The following SLMAP variants were observed in gnomAD, a reference collection of about 807,000 sequenced individuals.
SLMAP encodes the protein sarcolemma associated protein, also known as sarcolemmal membrane-associated protein.
A neutral mutation model predicts 128.8 loss-of-function variants in SLMAP; 44 were observed. That is an observed-to-expected ratio of 0.34 (90% CI 0.27 to 0.44). The LOEUF (loss-of-function observed/expected upper bound fraction) is 0.44. Among genes scored for constraint, SLMAP ranks in the 20% least tolerant of loss-of-function variants. SLMAP has a pLI of 1.00. For missense variants in SLMAP, 787 were observed against 985.3 expected (o/e 0.80, Z 2.69); for synonymous variants, 327 against 348.8 (o/e 0.94, Z 0.70).
At chr3:57,860,275 C>A (rs1291531161) in intron 8 of SLMAP, among the ~76,000 whole-genome samples, 2 of 152,162 alleles carry the variant, frequency 1.3e-5, no homozygotes, top group African/African-American at 2.4e-5. Context: ...TTGTACTTTT[C>A]CTGCCCCAGA....
chr3:57,901,345 T>G (rs565532224), intron 17 of SLMAP: 6 of 152,292 alleles, frequency 3.9e-5, no homozygotes, highest in African/African-American at 1.2e-4. Context: ...TATTGGTGGT[T>G]GTTGCCATCA....
At chr3:57,830,288 G>A (rs1167099106) in intron 2 of SLMAP, among the ~76,000 whole-genome samples, 2 of 152,202 alleles carry the variant, frequency 1.3e-5, no homozygotes, top group South Asian at 2.1e-4. Context: ...GATTACAGGC[G>A]TGAGCCACCA....
Position 57,864,678 on chromosome 3 carries a change from A to G in SLMAP, c.1097A>G (p.Asp366Gly). 2.5e-6 allele frequency: 4 copies of G among 1,596,630 alleles called. No individual in the cohort carries two copies. Among genetic ancestry groups the G allele is most frequent in the Non-Finnish European group, 3.4e-6 (4 of 1,175,984 alleles). ...GCAAAAATAGAAGCTTTGCAAGCTG[A>G]TAATGATTTCACCAATGAAAGGCTA... ...LQAKIEALQA[D>G]NDFTNERLTA... Residue 366 changes from aspartate to glycine, a missense_variant, in exon 11 of 25, where the codon GAT (aspartate) becomes GGT (glycine). This residue lies in a region of SLMAP where 715 missense variants were observed against 843.6 expected (regional missense o/e 0.85). Transcript: ENST00000671191.
At chr3:57,882,649 A>G (rs1425079261) in intron 14 of SLMAP, among the ~76,000 whole-genome samples, 4 of 152,228 alleles carry the variant, frequency 2.6e-5, no homozygotes, top group Admixed American at 2.0e-4. Flanking sequence ...CTGTGTTCTC[A>G]TAAAACTTTA....
chr3:57,801,643 G>GT (rs35550491), intron 2 of SLMAP, among the ~76,000 whole-genome samples: 42,337 of 146,434 alleles, frequency 0.29, 6,235 homozygotes, highest in East Asian at 0.48. Context: ...TGTTTTTCCT[G>GT]TTTTTTTTTT....
At chr3:57,861,120 T>TA (rs1255778678) in intron 9 of SLMAP, among the ~76,000 whole-genome samples, 1 of 149,256 alleles carries the variant, frequency 6.7e-6, no homozygotes, top group Admixed American at 6.6e-5. Context: ...CAGACCATGA[T>TA]ATGTGCTGGG....
rs570376373 is a variant in SLMAP, at chr3:57,837,097, CT to C, written c.347-4201del. ...CTGCACTGAATTACTTTTACTCCCC[CT>C]AATAGACATGGCCTTCAAGCCCTTG... On this transcript the variant is annotated intron_variant, in intron 3 of 24. Coordinates refer to ENST00000671191, the MANE Select transcript of SLMAP (RefSeq NM_001377540.1). 2.2e-3 allele frequency among the ~76,000 whole-genome samples: 329 copies of C among 152,344 alleles called. 1 individual carries two copies. Among genetic ancestry groups the C allele is most frequent in the African/African-American group, 7.6e-3 (318 of 41,588 alleles).
intron 22 of SLMAP, among the ~76,000 whole-genome samples, chr3:57,921,775 A>G (rs1490546878): frequency 2.0e-5 from 3 of 152,134 alleles, no homozygotes; most frequent in Non-Finnish European, 4.4e-5. Flanking sequence ...GTGCAACATC[A>G]GCTCACTGCA....
At chr3:57,822,600 C>T (rs2153532410) in intron 2 of SLMAP, among the ~76,000 whole-genome samples, 1 of 152,260 alleles carries the variant, frequency 6.6e-6, no homozygotes, top group East Asian at 1.9e-4. Context: ...TAGTAGCTAC[C>T]ATCTCCCATC....
chr3:57,860,675 A>G (rs1577882482), intron 8 of SLMAP, 24 bp from the exon 9 acceptor site: 1 of 1,482,498 alleles, frequency 6.7e-7, no homozygotes, highest in Non-Finnish European at 9.0e-7. Context: ...ACTTGTCTAT[A>G]ATTATAAATA....
chr3:57,828,020 C>A (rs1208126317), intron 2 of SLMAP, among the ~76,000 whole-genome samples: 2 of 152,226 alleles, frequency 1.3e-5, no homozygotes, highest in African/African-American at 4.8e-5. Flanking sequence ...ACGATCTTAG[C>A]TCACAGCAAC....
chr3:57,841,261 C>G lies in SLMAP; in HGVS notation c.347-38C>G, dbSNP rs1020982991. 6.4e-6 allele frequency: 8 copies of G among 1,253,444 alleles called. No homozygotes were observed. The Admixed American group carries it at 1.7e-4, about 26-fold the overall frequency. 77.6% of individuals were successfully genotyped at this position (1,253,444 alleles called of 1,614,324 possible). On this transcript the variant is annotated intron_variant, in intron 3 of 24. Transcript: ENST00000671191. ...AGGTGTGAAGTTTTATATTTTTAAACAATTATTTCATCCATATTATTTGTT... is the reference window on the plus strand; with the variant it reads ...AGGTGTGAAGTTTTATATTTTTAAAGAATTATTTCATCCATATTATTTGTT...
intron 15 of SLMAP, among the ~76,000 whole-genome samples, chr3:57,893,763 G>A (rs546216924): frequency 1.2e-4 from 18 of 152,044 alleles, no homozygotes; most frequent in Non-Finnish European, 2.4e-4. Context: ...ATTTGAGAAT[G>A]TAACTTTGTG....
chr3:57,758,956 A>G (rs2078096773), intron 2 of SLMAP, among the ~76,000 whole-genome samples: 1 of 152,244 alleles, frequency 6.6e-6, no homozygotes, highest in South Asian at 2.1e-4. Context: ...AATCTTTCTT[A>G]AAGGAAGAAC....
At chr3:57,827,204 C>A (rs1460983) in intron 2 of SLMAP, among the ~76,000 whole-genome samples, 45,747 of 152,024 alleles carry the variant, frequency 0.3, 7,185 homozygotes, top group East Asian at 0.5. Flanking sequence ...AAATGTTATT[C>A]ATCTGTTGGT....
chr3:57,821,912 T>TTCCTCCTCC lies in SLMAP; in HGVS notation c.199-9450_199-9442dup, dbSNP rs112836711. On this transcript the variant is annotated intron_variant, in intron 2 of 24. Transcript: ENST00000671191. ...ATATATAAATTTGCTGCAATACCTG[T>TTCCTCCTCC]TCCTCCTCCTCCTCCTCCTCCTCCT... is the stretch of plus-strand genomic sequence containing the variant. 1.8e-3 allele frequency among the ~76,000 whole-genome samples: 262 copies of TTCCTCCTCC among 148,762 alleles called. 1 individual carries two copies. The highest frequency in any genetic ancestry group is 6.9e-3 in the Middle Eastern group (2 of 288).
intron 4 of SLMAP, among the ~76,000 whole-genome samples, chr3:57,844,838 CCAGGTAGCTGGGATTA>C (rs1478477820): frequency 6.6e-6 from 1 of 151,720 alleles, no homozygotes; most frequent in East Asian, 1.9e-4. Flanking sequence ...CCTCAGCCTC[CCAGGTAGCTGGGATTA>C]CAGGTGCCCT....
rs765406766 is a variant in SLMAP, at chr3:57,847,157, G to A, written c.420-40G>A. On this transcript the variant is annotated intron_variant, in intron 4 of 24. Coordinates refer to ENST00000671191, the MANE Select transcript of SLMAP (RefSeq NM_001377540.1). ...GCTCTCATACTCTGTTTCCTCTATT[G>A]TCCGGATATTAGATAAAACTTCTAA... 2.2e-6 allele frequency: 3 copies of A among 1,378,456 alleles called. No homozygotes were observed. In the African/African-American group the frequency reaches 4.3e-5, roughly 20 times the overall value. 85.4% of individuals were successfully genotyped at this position (1,378,456 alleles called of 1,614,324 possible). A position where few individuals can be genotyped will look rare whatever the true frequency, so the allele number is the denominator to read the frequency against.
chr3:57,854,279 C>T (rs779995206), intron 6 of SLMAP, among the ~76,000 whole-genome samples: 4 of 150,712 alleles, frequency 2.7e-5, no homozygotes, highest in Non-Finnish European at 4.4e-5. Context: ...ATAGGCTGTG[C>T]GAGTGAAGCA....
Sources: gnomAD v4.1 joint callset for allele counts (sites outside exome capture counted in the v4.1 genomes callset) on GRCh38, gnomAD v4.1.1 for gene constraint, gnomAD v4.1.1 regional missense constraint, MANE v1.5 for transcripts, NCBI Gene and HGNC (gene_info 2026-07-23, HGNC 2026-07-21) for gene names.